The following AQP9 variants were observed in gnomAD, a reference collection of about 807,000 sequenced individuals.
AQP9 encodes aquaporin 9.
Under a neutral mutation model 23.8 loss-of-function variants are expected in AQP9, and 19 were observed. The ratio of observed to expected loss-of-function variants is 0.80; its 90% CI spans 0.56 to 1.17. The LOEUF (loss-of-function observed/expected upper bound fraction) is 1.17. Ranked by LOEUF, AQP9 falls within the 50% of genes most tolerant of loss-of-function variation. The pLI is 0.00. For missense variants in AQP9, 413 were observed against 362.0 expected (o/e 1.14, Z -1.14); for synonymous variants, 153 against 131.5 (o/e 1.16, Z -1.12).
chr15:58,161,736 T>C (rs550138561), intron 1 of AQP9, among the ~76,000 whole-genome samples: 1 of 152,360 alleles, frequency 6.6e-6, no homozygotes, highest in Non-Finnish European at 1.5e-5. Context: ...AATAATATCC[T>C]ACCCTTATTA....
At chr15:58,138,308 A>C (rs1897892269), upstream of AQP9, 1 of 339,592 alleles carries the variant, frequency 2.9e-6, no homozygotes, top group Admixed American at 4.4e-5. Flanking sequence ...CAGGCACAAA[A>C]GGGATTGTTT....
chr15:58,170,440 C>T (rs1312582828), intron 2 of AQP9, among the ~76,000 whole-genome samples: 2 of 151,370 alleles, frequency 1.3e-5, no homozygotes, highest in African/African-American at 4.9e-5. Context: ...GAGTCTTGCT[C>T]TGTCACCAGG....
Position 58,172,355 on chromosome 15 carries a change from G to T in AQP9, c.239-713G>T, listed in dbSNP as rs536462479. Among the ~76,000 whole-genome samples the T allele has an allele frequency of 2.8e-4, 43 of 152,224 alleles. No homozygotes were observed. In the South Asian group the frequency reaches 5.0e-3, roughly 18 times the overall value. Reference sequence around the variant, plus strand: ...TGTTGTTACTAGCAAAGCCAGCTGGGGATGTTAGAGACCAACCACAGAGCA... The same window carrying T: ...TGTTGTTACTAGCAAAGCCAGCTGGTGATGTTAGAGACCAACCACAGAGCA... On this transcript the variant is annotated intron_variant, in intron 2 of 5. Transcript: ENST00000219919.
Position 58,174,981 on chromosome 15 carries a change from T to C in AQP9, c.440T>C (p.Ile147Thr). Residue 147 changes from isoleucine to threonine, a missense_variant, in exon 4 of 6, where the codon ATT becomes ACT. Ile to Thr is a moderately conservative substitution (Grantham distance 89). Coordinates refer to ENST00000219919, the MANE Select transcript of AQP9 (RefSeq NM_020980.5). ...LIVGENATAH[I>T]FATYPAPYLS... is the part of the protein sequence containing the mutation. ...GTGGGAGAAAATGCAACAGCACACATTTTTGCAACATACCCAGCTCCGTAT... is the reference window on the plus strand; with the variant it reads ...GTGGGAGAAAATGCAACAGCACACACTTTTGCAACATACCCAGCTCCGTAT... The C allele has an allele frequency of 6.2e-7, 1 of 1,614,202 alleles. No homozygotes were observed. The highest frequency in any genetic ancestry group is 8.5e-7 in the Non-Finnish European group (1 of 1,180,006).
Position 58,183,496 on chromosome 15 carries a change from T to C in AQP9, c.714-465T>C, listed in dbSNP as rs921141254. Among the ~76,000 whole-genome samples, 5 of 152,216 alleles carry C rather than the reference T, an allele frequency of 3.3e-5. No individual in the cohort carries two copies. In the East Asian group the frequency reaches 7.7e-4, roughly 23 times the overall value. ...CAATTCACACATCCACCTTAGATTT[T>C]TTAAAAATTCATTCATTCATTGAAA... On this transcript the variant is annotated intron_variant, in intron 5 of 5. Transcript: ENST00000219919.
chr15:58,144,079 A>G (rs1053080153), intron 1 of AQP9, among the ~76,000 whole-genome samples: 3 of 152,154 alleles, frequency 2.0e-5, no homozygotes, highest in Non-Finnish European at 4.4e-5. Flanking sequence ...CAGTGCAGTG[A>G]TTATCTTTTC....
rs145699280 is a variant in AQP9, at chr15:58,138,645, T to G, written c.80T>G (p.Leu27Arg). Residue 27 changes from leucine to arginine, a missense_variant, in exon 1 of 6, where the codon CTC (leucine) becomes CGC (arginine). By Grantham distance (102) the Leu-to-Arg change is moderately radical. Transcript: ENST00000219919. ...VLKSSLAKET[L>R]SEFLGTFILI... ...AAGAGCAGCTTAGCGAAAGAAACCC[T>G]CTCTGAGTTCTTGGGCACGTTCATC... 8 of 1,613,786 alleles carry G rather than the reference T, an allele frequency of 5.0e-6. No individual in the cohort carries two copies. The East Asian group carries it at 1.6e-4, about 31-fold the overall frequency.
intron 1 of AQP9, among the ~76,000 whole-genome samples, chr15:58,144,858 A>G (rs1024007344): frequency 6.6e-6 from 1 of 151,902 alleles, no homozygotes; most frequent in Non-Finnish European, 1.5e-5. Flanking sequence ...TACTAAAAAT[A>G]CAAAAATTAG....
intron 2 of AQP9, 63 bp from the exon 3 acceptor site, chr15:58,173,005 G>A (rs1293856716): frequency 1.1e-5 from 18 of 1,600,710 alleles, no homozygotes; most frequent in Non-Finnish European, 1.4e-5. Context: ...GAGGTCTCTA[G>A]ATGGTTTTCT....
At chr15:58,178,592 T>C (rs3858889) in intron 4 of AQP9, among the ~76,000 whole-genome samples, 136,623 of 152,256 alleles carry the variant, frequency 0.9, 61,816 homozygotes, top group Non-Finnish European at 0.96. Flanking sequence ...AACGGGTATC[T>C]TTTTCCTAAC....
At chr15:58,160,793 C>T (rs971428447) in intron 1 of AQP9, among the ~76,000 whole-genome samples, 22 of 152,010 alleles carry the variant, frequency 1.4e-4, no homozygotes, top group Non-Finnish European at 2.8e-4. Flanking sequence ...CAGAGAAAGT[C>T]CTATAGAGAA....
chr15:58,163,701 G>C (rs530650562), intron 1 of AQP9, among the ~76,000 whole-genome samples: 1 of 152,202 alleles, frequency 6.6e-6, no homozygotes, highest in South Asian at 2.1e-4. Context: ...GAAGGGAAAG[G>C]TACGGCAGTT....
At chr15:58,176,665 C>T (rs1463458452) in intron 4 of AQP9, among the ~76,000 whole-genome samples, 1 of 147,842 alleles carries the variant, frequency 6.8e-6, no homozygotes, top group African/African-American at 2.5e-5. Context: ...GGCTGGAGTG[C>T]AGTGGCGTGA....
rs1048308219 is a variant in AQP9, at chr15:58,159,930, C to G, written c.112-6743C>G. On this transcript the variant is annotated intron_variant, in intron 1 of 5. Coordinates refer to ENST00000219919, the MANE Select transcript of AQP9 (RefSeq NM_020980.5). ...TGGTTTGTGGGCATTTAGGTTGATT[C>G]CATATTTTGGCTATTGTGAATAGTG... is the stretch of plus-strand genomic sequence containing the variant. Among the ~76,000 whole-genome samples the G allele has an allele frequency of 9.2e-5, 14 of 152,136 alleles. 1 individual carries two copies.
chr15:58,183,714 AAAAT>A (rs1429196039), intron 5 of AQP9, among the ~76,000 whole-genome samples: 1 of 152,206 alleles, frequency 6.6e-6, no homozygotes, highest in Non-Finnish European at 1.5e-5. Context: ...TTATAAAAAG[AAAAT>A]AAATAAGACA....
intron 1 of AQP9, 88 bp from the exon 2 acceptor site, chr15:58,166,585 T>C: frequency 3.3e-6 from 5 of 1,494,542 alleles, no homozygotes; most frequent in Non-Finnish European, 3.6e-6. Flanking sequence ...TCCATGACTT[T>C]GCTTTAAAAA....
chr15:58,166,736 A>G lies in AQP9; in HGVS notation c.175A>G (p.Thr59Ala), dbSNP rs201633890. ...TCGAGGACGTTTTGGAGGGGTCATCACTATCAATGTTGGATTTTCAATGGC... is the reference window on the plus strand; with the variant it reads ...TCGAGGACGTTTTGGAGGGGTCATCGCTATCAATGTTGGATTTTCAATGGC... The part of the protein sequence containing the change: ...LSRGRFGGVI[T>A]INVGFSMAVA... The change falls in exon 2 of 6, where the codon ACT becomes GCT. Residue 59 changes from threonine to alanine, a missense_variant. Thr to Ala is a moderately conservative substitution (Grantham distance 58, BLOSUM62 0). Transcript: ENST00000219919. 1.7e-5 allele frequency: 28 copies of G among 1,613,948 alleles called. No homozygotes were observed. The highest frequency in any genetic ancestry group is 2.3e-5 in the Non-Finnish European group (27 of 1,179,864).
intron 1 of AQP9, among the ~76,000 whole-genome samples, chr15:58,161,337 CTT>C (rs1192140468): frequency 6.6e-6 from 1 of 152,160 alleles, no homozygotes; most frequent in African/African-American, 2.4e-5. Flanking sequence ...TTTCAAATGT[CTT>C]TCTTCCTTTT....
At chr15:58,182,693 G>A (rs1898919607) in intron 5 of AQP9, among the ~76,000 whole-genome samples, 1 of 152,158 alleles carries the variant, frequency 6.6e-6, no homozygotes, top group Admixed American at 6.5e-5. Flanking sequence ...CACTGTGAGG[G>A]CGGCCGAGTA....
Sources: gnomAD v4.1 joint callset for allele counts (sites outside exome capture counted in the v4.1 genomes callset) on GRCh38, gnomAD v4.1.1 for gene constraint, MANE v1.5 for transcripts, NCBI Gene and HGNC (gene_info 2026-07-23, HGNC 2026-07-21) for gene names.